Variants in AKAP7 observed in about 807,000 individuals in gnomAD.
The protein encoded by AKAP7 is A kinase (PRKA) anchor protein 7.
Under a neutral mutation model 39.5 loss-of-function variants are expected in AKAP7, and 39 were observed. The ratio of observed to expected loss-of-function variants is 0.99; its 90% CI spans 0.76 to 1.29. AKAP7 has a LOEUF of 1.29. Among genes scored for constraint, AKAP7 ranks in the 50% most tolerant of loss-of-function variants. AKAP7 has a pLI of 0.00. For synonymous variants in AKAP7, 140 were observed against 139.1 expected (o/e 1.01, Z -0.05); for missense variants, 414 against 407.7 (o/e 1.02, Z -0.13).
At chr6:131,224,236 G>A (rs1037544284) in intron 7 of AKAP7, among the ~76,000 whole-genome samples, 9 of 152,036 alleles carry the variant, frequency 5.9e-5, no homozygotes, top group African/African-American at 1.9e-4. Context: ...AGATATTATT[G>A]ATTTTATCAA....
chr6:131,197,266 G>A (rs1215346791), intron 5 of AKAP7, among the ~76,000 whole-genome samples: 1 of 152,018 alleles, frequency 6.6e-6, no homozygotes, highest in Non-Finnish European at 1.5e-5. Flanking sequence ...TTCAGGAAAT[G>A]CTTTAATAAA....
At chr6:131,280,827 G>A (rs1815137612) in intron 7 of AKAP7, among the ~76,000 whole-genome samples, 1 of 152,028 alleles carries the variant, frequency 6.6e-6, no homozygotes, top group Non-Finnish European at 1.5e-5. Context: ...AATGAAAGAT[G>A]GAATAATTAG....
At chr6:131,139,588 G>A (rs1221566158) in intron 1 of AKAP7, among the ~76,000 whole-genome samples, 1 of 151,954 alleles carries the variant, frequency 6.6e-6, no homozygotes, top group Non-Finnish European at 1.5e-5. Flanking sequence ...TGGGCAGTGA[G>A]ATAGCTGTAT....
At chr6:131,194,065 T>G (rs1484237396) in intron 5 of AKAP7, among the ~76,000 whole-genome samples, 1 of 152,080 alleles carries the variant, frequency 6.6e-6, no homozygotes, top group East Asian at 1.9e-4. Context: ...ATTTATTATC[T>G]CTTCTACTAA....
At chr6:131,141,320 C>G (rs1417356879) in intron 1 of AKAP7, among the ~76,000 whole-genome samples, 1 of 152,080 alleles carries the variant, frequency 6.6e-6, no homozygotes, top group African/African-American at 2.4e-5. Flanking sequence ...CTGTCATGGT[C>G]CTTTTCTCAC....
chr6:131,192,594 G>A (rs1244259127), intron 5 of AKAP7, among the ~76,000 whole-genome samples: 1 of 152,054 alleles, frequency 6.6e-6, no homozygotes, highest in African/African-American at 2.4e-5. Context: ...GTGAATTTTA[G>A]GATTGTTTTT....
At position 131,199,510 on chromosome 6, in the gene AKAP7, C is replaced by A. The variant is rs1159371158; in HGVS notation, c.639C>A (p.Ser213Arg). ...FQEKGILVGE[S>R]RSFKPHLTFM... The stretch of plus-strand genomic sequence containing the variant: ...AAAAAGGCATCCTGGTAGGAGAGAG[C>A]AGAAGTTTTAAACCTCATTTGACCT... The change falls in exon 6 of 8, where the codon AGC (serine) becomes AGA (arginine). Residue 213 changes from serine (S) to arginine (R), a missense_variant. Transcript: ENST00000431975. 16 of 1,611,646 alleles carry A rather than the reference C, an allele frequency of 9.9e-6. No homozygotes were observed. Among genetic ancestry groups the A allele is most frequent in the Non-Finnish European group, 1.4e-5 (16 of 1,178,284 alleles).
At chr6:131,270,418 T>C (rs896244990) in intron 7 of AKAP7, among the ~76,000 whole-genome samples, 13 of 152,244 alleles carry the variant, frequency 8.5e-5, no homozygotes, top group Non-Finnish European at 1.8e-4. Context: ...TTGTACTGAG[T>C]ACTAATCCAT....
In AKAP7 at chr6:131,238,059, C is replaced by G. The variant is rs554925505; in HGVS notation, c.850+18251C>G. 1.8e-4 allele frequency among the ~76,000 whole-genome samples: 27 copies of G among 152,168 alleles called. No individual in the cohort carries two copies. The South Asian group carries it at 2.9e-3, about 16-fold the overall frequency. ...TGGTCATTTAGTGCTATAAATTTCCCTCTACACACTGCTTTGAATGTGTCC... is the reference window on the plus strand; with the variant it reads ...TGGTCATTTAGTGCTATAAATTTCCGTCTACACACTGCTTTGAATGTGTCC... On this transcript the variant is annotated intron_variant, in intron 7 of 7. Transcript: ENST00000431975.
chr6:131,180,208 A>G (rs1417667349), intron 5 of AKAP7, among the ~76,000 whole-genome samples: 3 of 152,170 alleles, frequency 2.0e-5, no homozygotes, highest in Non-Finnish European at 4.4e-5. Context: ...ATTCTCATAC[A>G]GTTTTGGGAA....
At chr6:131,136,309 T>A (rs1386499780) in intron 1 of AKAP7, among the ~76,000 whole-genome samples, 1 of 152,162 alleles carries the variant, frequency 6.6e-6, no homozygotes, top group African/African-American at 2.4e-5. Flanking sequence ...TCAGCGTTTG[T>A]TGTGAACTGA....
intron 5 of AKAP7, among the ~76,000 whole-genome samples, chr6:131,170,539 A>C (rs904454353): frequency 6.6e-6 from 1 of 152,044 alleles, no homozygotes; most frequent in Non-Finnish European, 1.5e-5. Flanking sequence ...AAGTATATGT[A>C]TTTTCATTTT....
rs747664668 is a variant in AKAP7 at position 131,219,644 on chromosome 6, T to C, written c.703-17T>C. On this transcript the variant is annotated splice_polypyrimidine_tract_variant and intron_variant, in intron 6 of 7. Transcript: ENST00000431975. ...GGGTGAAATGATTGATTGATTGATT[T>C]GTTTTTTCATTTCAAGGGAGTGAAA... 1 of 1,583,690 alleles carries C rather than the reference T, an allele frequency of 6.3e-7. No homozygotes were observed. The highest frequency in any genetic ancestry group is 1.2e-5 in the South Asian group (1 of 86,124).
chr6:131,196,856 A>C (rs898791976), intron 5 of AKAP7, among the ~76,000 whole-genome samples: 8 of 152,122 alleles, frequency 5.3e-5, no homozygotes, highest in Non-Finnish European at 1.0e-4. Flanking sequence ...TATATTGTTA[A>C]TGTATAGTGC....
chr6:131,166,892 C>T (rs1369061042), intron 4 of AKAP7, among the ~76,000 whole-genome samples: 1 of 152,042 alleles, frequency 6.6e-6, no homozygotes, highest in East Asian at 1.9e-4. Flanking sequence ...AGTCTAATAT[C>T]AAGTTTTAGT....
intron 5 of AKAP7, among the ~76,000 whole-genome samples, chr6:131,192,522 G>A (rs1806514663): frequency 6.6e-6 from 1 of 152,086 alleles, no homozygotes; most frequent in African/African-American, 2.4e-5. Context: ...TAAGTAATAT[G>A]ATTCCTCCAG....
upstream of AKAP7, among the ~76,000 whole-genome samples, chr6:131,130,598 C>T (rs1371484527): frequency 6.6e-6 from 1 of 152,068 alleles, no homozygotes; most frequent in Non-Finnish European, 1.5e-5. Context: ...GCCCAGCTGA[C>T]CTTGTTCTTT....
intron 5 of AKAP7, among the ~76,000 whole-genome samples, chr6:131,174,971 A>G (rs1187472533): frequency 6.6e-6 from 1 of 151,620 alleles, no homozygotes; most frequent in Non-Finnish European, 1.5e-5. Context: ...TACTACTAAT[A>G]GTCTACTATT....
chr6:131,192,317 T>G (rs1200243288), intron 5 of AKAP7, among the ~76,000 whole-genome samples: 1 of 152,196 alleles, frequency 6.6e-6, no homozygotes, highest in Non-Finnish European at 1.5e-5. Flanking sequence ...GGATACCCAG[T>G]TTTCCCAGCC....
Sources: gnomAD v4.1 joint callset for allele counts (sites outside exome capture counted in the v4.1 genomes callset) on GRCh38, gnomAD v4.1.1 for gene constraint, MANE v1.5 for transcripts, NCBI Gene and HGNC (gene_info 2026-07-23, HGNC 2026-07-21) for gene names.